MYO16: variants seen among roughly 807,000 people sequenced by gnomAD.
MYO16 encodes the protein unconventional myosin-XVI.
Under a neutral mutation model 205.3 loss-of-function variants are expected in MYO16, and 94 were observed. The ratio of observed to expected loss-of-function variants is 0.46; its 90% CI spans 0.39 to 0.54. The LOEUF (loss-of-function observed/expected upper bound fraction) is 0.54, where lower values mean the gene tolerates loss of function less well. Ranked by LOEUF, MYO16 falls within the 20% of genes least tolerant of loss-of-function variation. MYO16 has a pLI of 0.00. For missense variants in MYO16, 2,315 were observed against 2,387.5 expected (o/e 0.97, Z 0.63); for synonymous variants, 988 against 954.0 (o/e 1.04, Z -0.66).
At chr13:109,039,715 T>A (rs1432115817) in intron 23 of MYO16, among the ~76,000 whole-genome samples, 1 of 152,100 alleles carries the variant, frequency 6.6e-6, no homozygotes, top group African/African-American at 2.4e-5. Context: ...GAATGAGAAA[T>A]GTATATCACT....
chr13:109,049,928 G>C (rs1458953047), intron 24 of MYO16, among the ~76,000 whole-genome samples: 1 of 58,544 alleles, frequency 1.7e-5, no homozygotes, highest in East Asian at 4.5e-4. Context: ...CCTTTGTCCT[G>C]TGTGTGTGTG....
chr13:108,962,047 T>C (rs1401593045), intron 18 of MYO16, among the ~76,000 whole-genome samples: 1 of 152,218 alleles, frequency 6.6e-6, no homozygotes, highest in African/African-American at 2.4e-5. Flanking sequence ...CTCTTTGAAG[T>C]TGCCTCGTTA....
chr13:109,059,607 G>T (rs576691885), intron 27 of MYO16, among the ~76,000 whole-genome samples: 5 of 152,060 alleles, frequency 3.3e-5, no homozygotes, highest in Non-Finnish European at 5.9e-5. Flanking sequence ...TTTTGATGGG[G>T]TTGCTTTTTT....
At chr13:108,702,383 G>A (rs1443790476) in intron 2 of MYO16, among the ~76,000 whole-genome samples, 2 of 152,158 alleles carry the variant, frequency 1.3e-5, no homozygotes, top group Admixed American at 1.3e-4. Flanking sequence ...AAGCCAAAAT[G>A]CAGAAAATGA....
chr13:108,557,932 C>T, the MYO16 span, among the ~76,000 whole-genome samples: 1 of 152,032 alleles, frequency 6.6e-6, no homozygotes, highest in South Asian at 2.1e-4. Context: ...GTGATAGATA[C>T]ACACACATAC....
At chr13:109,023,103 T>C (rs1886152199) in intron 23 of MYO16, among the ~76,000 whole-genome samples, 1 of 132,866 alleles carries the variant, frequency 7.5e-6, no homozygotes, top group Non-Finnish European at 1.5e-5. Context: ...TATGTTTATA[T>C]ATTGTATATA....
At chr13:108,608,451 C>A (rs1023815650) in intron 1 of MYO16, among the ~76,000 whole-genome samples, 3 of 152,288 alleles carry the variant, frequency 2.0e-5, no homozygotes, top group African/African-American at 7.2e-5. Flanking sequence ...TAGCCAGAAC[C>A]CTTCCTTGCA....
At chr13:108,802,529 C>T (rs1886997642) in intron 6 of MYO16, among the ~76,000 whole-genome samples, 3 of 152,130 alleles carry the variant, frequency 2.0e-5, no homozygotes, top group Admixed American at 6.5e-5. Context: ...AATAGTGCTG[C>T]AGTGAGCATG....
the MYO16 span, among the ~76,000 whole-genome samples, chr13:108,553,887 C>A: frequency 6.6e-6 from 1 of 152,130 alleles, no homozygotes; most frequent in African/African-American, 2.4e-5. Flanking sequence ...GCTGCCGATG[C>A]GAGTGCCCCA....
At chr13:108,654,306 GT>G (rs894565971) in intron 1 of MYO16, among the ~76,000 whole-genome samples, 3 of 152,084 alleles carry the variant, frequency 2.0e-5, no homozygotes, top group African/African-American at 7.2e-5. Flanking sequence ...CACGGGGGCG[GT>G]TTCCCCCATA....
chr13:108,750,430 G>A (rs1411947702), intron 4 of MYO16, among the ~76,000 whole-genome samples: 1 of 152,120 alleles, frequency 6.6e-6, no homozygotes, highest in East Asian at 1.9e-4. Flanking sequence ...TCTTTACGTA[G>A]TATTCTACTT....
chr13:109,167,190 G>A (rs1467964031), intron 33 of MYO16: 1 of 152,280 alleles, frequency 6.6e-6, no homozygotes, highest in Non-Finnish European at 1.5e-5. Context: ...CCAGCACTCT[G>A]TCACGTTTGA....
intron 28 of MYO16, among the ~76,000 whole-genome samples, chr13:109,117,366 C>CGTGTGT (rs1875745653): frequency 6.8e-6 from 1 of 147,346 alleles, no homozygotes; most frequent in Non-Finnish European, 1.5e-5. Context: ...ATATAATATG[C>CGTGTGT]AAATATATAT....
intron 16 of MYO16, among the ~76,000 whole-genome samples, chr13:108,938,655 G>A (rs998967899): frequency 5.9e-5 from 9 of 152,056 alleles, no homozygotes; most frequent in Non-Finnish European, 1.0e-4. Context: ...CCCCCTGCAC[G>A]AAGTTCTCTG....
Position 108,604,884 on chromosome 13 carries a change from T to A in MYO16, c.-39+8645T>A, listed in dbSNP as rs148204926. On this transcript the variant is annotated intron_variant, in intron 1 of 24. Coordinates refer to the MYO16 transcript ENST00000251041. ...TTCATGGTAATGGGTACCATATTAT[T>A]GAGTAAATGGCTGGATGCATAGTTG... Among the ~76,000 whole-genome samples the A allele has an allele frequency of 1.9e-3, 286 of 152,314 alleles. 2 individuals carry two copies. The highest frequency in any genetic ancestry group is 6.1e-3 in the African/African-American group (254 of 41,570).
At chr13:109,012,280 C>T (rs1214071112) in intron 22 of MYO16, among the ~76,000 whole-genome samples, 3 of 152,162 alleles carry the variant, frequency 2.0e-5, no homozygotes, top group Non-Finnish European at 4.4e-5. Context: ...AAAAAGGCTT[C>T]ACAGCAGGGG....
chr13:109,122,672 G>A (rs1876047289), intron 29 of MYO16, among the ~76,000 whole-genome samples: 1 of 143,466 alleles, frequency 7.0e-6, no homozygotes, highest in Non-Finnish European at 1.5e-5. Context: ...GGCAACAAGA[G>A]TGAAACTCTG....
chr13:108,764,153 A>G (rs1382723943), intron 4 of MYO16, among the ~76,000 whole-genome samples: 1 of 152,180 alleles, frequency 6.6e-6, no homozygotes. Flanking sequence ...ACATGAAGAC[A>G]GATTCAACTT....
At chr13:108,717,651 TTGAGCCATAA>T (rs1884000306) in intron 3 of MYO16, among the ~76,000 whole-genome samples, 2 of 126,866 alleles carry the variant, frequency 1.6e-5, no homozygotes, top group Admixed American at 7.6e-5. Flanking sequence ...AAAAAAAAAA[TTGAGCCATAA>T]TGTATCTGAA....
Sources: gnomAD v4.1 joint callset for allele counts (sites outside exome capture counted in the v4.1 genomes callset) on GRCh38, gnomAD v4.1.1 for gene constraint, MANE v1.5 for transcripts, NCBI Gene and HGNC (gene_info 2026-07-23, HGNC 2026-07-21) for gene names.